CACUL1: variants seen among roughly 807,000 people sequenced by gnomAD.
The protein encoded by CACUL1 is CDK2-associated and cullin domain-containing protein 1.
A neutral mutation model predicts 45.2 loss-of-function variants in CACUL1; 13 were observed. The observed-to-expected ratio is 0.29, with a 90% CI of 0.19 to 0.46. The LOEUF (loss-of-function observed/expected upper bound fraction) is 0.46. CACUL1 is among the 20% of genes least tolerant of loss of function. CACUL1 has a pLI of 1.00. For synonymous variants in CACUL1, 197 were observed against 174.2 expected (o/e 1.13, Z -1.03); for missense variants, 421 against 471.4 (o/e 0.89, Z 0.99).
At chr10:118,686,682 T>C in intron 7 of CACUL1, 41 bp from the exon 8 acceptor site, 1 of 1,420,752 alleles carries the variant, frequency 7.0e-7, no homozygotes, top group South Asian at 1.1e-5. Context: ...TGACTTCACA[T>C]CAAAACAGGA....
intron 4 of CACUL1, among the ~76,000 whole-genome samples, chr10:118,704,835 T>C (rs1845418368): frequency 6.6e-6 from 1 of 152,186 alleles, no homozygotes; most frequent in African/African-American, 2.4e-5. Context: ...TCCACCCTCC[T>C]CACCCTCCAA....
In CACUL1 at chr10:118,678,107, C is replaced by A. The variant is rs1354148733; in HGVS notation, c.*8021G>T. ...TGAACATCTTTTCACATTTATGGGCCATTTCTGTTTCTTCTGTGAAATGCC... is the reference window on the plus strand; with the variant it reads ...TGAACATCTTTTCACATTTATGGGCAATTTCTGTTTCTTCTGTGAAATGCC... On this transcript the variant is annotated 3_prime_UTR_variant, in exon 9 of 9. Transcript: ENST00000369151. 1 of 152,164 alleles carries A rather than the reference C, an allele frequency of 6.6e-6. No homozygotes were observed. Among genetic ancestry groups the A allele is most frequent in the African/African-American group, 2.4e-5 (1 of 41,428 alleles). 9.4% of individuals were successfully genotyped at this position (152,164 alleles called of 1,614,324 possible).
chr10:118,754,804 C>T lies in CACUL1; in HGVS notation c.-42G>A, dbSNP rs968573098. 4 of 1,517,478 alleles carry T rather than the reference C, an allele frequency of 2.6e-6. No homozygotes were observed. The highest frequency in any genetic ancestry group is 1.4e-5 in the African/African-American group (1 of 69,140). 94.0% of individuals were successfully genotyped at this position (1,517,478 alleles called of 1,614,324 possible). The stretch of plus-strand genomic sequence containing the variant: ...ACCCGCCCGCCTCACAGGCACCTGC[C>T]GCCTGTCTCAACCCCGGGCCAGCGG... On this transcript the variant is annotated 5_prime_UTR_variant, in exon 1 of 9. Transcript: ENST00000369151.
intron 1 of CACUL1, among the ~76,000 whole-genome samples, chr10:118,738,094 AG>A (rs1274540330): frequency 6.6e-6 from 1 of 152,232 alleles, no homozygotes; most frequent in African/African-American, 2.4e-5. Flanking sequence ...ACCTTGAAGC[AG>A]TAGCTTGAAG....
intron 7 of CACUL1, among the ~76,000 whole-genome samples, chr10:118,690,481 G>A (rs1471976953): frequency 3.3e-5 from 5 of 151,936 alleles, no homozygotes; most frequent in Admixed American, 2.0e-4. Flanking sequence ...ATATGACCAC[G>A]TTAATTAAGC....
In CACUL1 at chr10:118,754,898, C is replaced by T; in HGVS notation, c.-136G>A. 3 of 1,247,608 alleles carry T rather than the reference C, an allele frequency of 2.4e-6. No individual in the cohort carries two copies. Among genetic ancestry groups the T allele is most frequent in the Non-Finnish European group, 2.2e-6 (2 of 920,052 alleles). 77.3% of individuals were successfully genotyped at this position (1,247,608 alleles called of 1,614,324 possible). ...GCGCAGCGGAGAGGGCTGCGGTGCGCAGGGTCTCTCGCTCTCCGCGGGGCC... is the reference window on the plus strand; with the variant it reads ...GCGCAGCGGAGAGGGCTGCGGTGCGTAGGGTCTCTCGCTCTCCGCGGGGCC... On this transcript the variant is annotated 5_prime_UTR_variant, in exon 1 of 9. Coordinates refer to ENST00000369151, the MANE Select transcript of CACUL1 (RefSeq NM_153810.5).
chr10:118,724,484 G>T (rs1030312810), intron 3 of CACUL1, among the ~76,000 whole-genome samples: 1 of 151,940 alleles, frequency 6.6e-6, no homozygotes, highest in Non-Finnish European at 1.5e-5. Flanking sequence ...GATACGTTAG[G>T]GTTCCCACTA....
At chr10:118,723,277 C>G (rs560717081) in intron 3 of CACUL1, among the ~76,000 whole-genome samples, 15 of 152,050 alleles carry the variant, frequency 9.9e-5, no homozygotes, top group African/African-American at 3.4e-4. Flanking sequence ...AGACTGTATC[C>G]TTGTCACATT....
intron 3 of CACUL1, among the ~76,000 whole-genome samples, chr10:118,715,037 TA>T (rs1373321664): frequency 6.6e-6 from 1 of 152,246 alleles, no homozygotes; most frequent in East Asian, 1.9e-4. Context: ...AATCCTTTGT[TA>T]CCAGATTGTT....
At chr10:118,749,191 C>T (rs977737567) in intron 1 of CACUL1, among the ~76,000 whole-genome samples, 2 of 151,470 alleles carry the variant, frequency 1.3e-5, no homozygotes, top group Non-Finnish European at 2.9e-5. Flanking sequence ...ATGGGCAATA[C>T]TGCCATTAAA....
At chr10:118,738,856 A>G (rs1589618021) in intron 1 of CACUL1, among the ~76,000 whole-genome samples, 1 of 148,710 alleles carries the variant, frequency 6.7e-6, no homozygotes, top group Non-Finnish European at 1.5e-5. Flanking sequence ...AAAAATTAAA[A>G]ACAGTGTCAT....
intron 1 of CACUL1, among the ~76,000 whole-genome samples, chr10:118,733,656 C>T (rs1367507758): frequency 6.6e-6 from 1 of 152,158 alleles, no homozygotes; most frequent in Non-Finnish European, 1.5e-5. Flanking sequence ...AAAACTAGAT[C>T]CTCTTGTTAA....
rs570568270 is a variant in CACUL1 at position 118,719,726 on chromosome 10, G to A, written c.597+9569C>T. 1.9e-4 allele frequency among the ~76,000 whole-genome samples: 29 copies of A among 151,904 alleles called. 1 individual carries two copies. Among genetic ancestry groups the A allele is most frequent in the Non-Finnish European group, 4.0e-4 (27 of 67,978 alleles). ...CTCAGGGGGCCAAGGCAGGAGAATC[G>A]CTTGAATCCTGGAGGCGGAGGTTGC... On this transcript the variant is annotated intron_variant, in intron 3 of 8. Coordinates refer to ENST00000369151, the MANE Select transcript of CACUL1 (RefSeq NM_153810.5).
Position 118,686,161 on chromosome 10 carries a change from C to T in CACUL1, c.1077G>A (p.Ser359=), listed in dbSNP as rs767939519. 1.2e-5 allele frequency: 20 copies of T among 1,612,208 alleles called. 1 individual carries two copies. The highest frequency in any genetic ancestry group is 5.5e-5 in the South Asian group (5 of 91,046). The change falls in exon 9 of 9, where the codon TCG becomes TCA. Residue 359 remains serine, a synonymous_variant. Transcript: ENST00000369151. ...ACCCCCTGGAACTTGCACATGCTGACGAGCTATCTGAAAAAACATCAGAAT... is the reference window on the plus strand; with the variant it reads ...ACCCCCTGGAACTTGCACATGCTGATGAGCTATCTGAAAAAACATCAGAAT... ...RAGDELAYNS[S]SACASSRGYR
chr10:118,739,145 G>A (rs922565904), intron 1 of CACUL1, among the ~76,000 whole-genome samples: 5 of 151,078 alleles, frequency 3.3e-5, no homozygotes, highest in East Asian at 2.0e-4. Flanking sequence ...GCAGTGAGCC[G>A]AGATCATGCC....
chr10:118,689,718 T>C (rs1254447304), intron 7 of CACUL1, among the ~76,000 whole-genome samples: 1 of 136,956 alleles, frequency 7.3e-6, no homozygotes, highest in Non-Finnish European at 1.6e-5. Flanking sequence ...TCCTGCACCC[T>C]GTTCTCTTAT....
rs1007635464 is a variant in CACUL1, at chr10:118,684,401, G to A, written c.*1727C>T. On this transcript the variant is annotated 3_prime_UTR_variant, in exon 9 of 9. Transcript: ENST00000369151. ...ATGAATGGAATTCTCCTTGATACTA[G>A]AATGTTACCAGTGTAGCAACTTAAA... The A allele has an allele frequency of 6.6e-6, 1 of 152,174 alleles. No individual in the cohort carries two copies. The highest frequency in any genetic ancestry group is 1.5e-5 in the Non-Finnish European group (1 of 68,036). The allele number at this position is 152,174 out of a possible 1,614,324, so 9.4% of individuals were successfully genotyped here. A position where few individuals can be genotyped will look rare whatever the true frequency, so the allele number is the denominator to read the frequency against.
In CACUL1 at chr10:118,691,271, A is replaced by T. The variant is rs1459925281; in HGVS notation, c.1019T>A (p.Phe340Tyr). 4 of 1,611,198 alleles carry T rather than the reference A, an allele frequency of 2.5e-6. No homozygotes were observed. Among genetic ancestry groups the T allele is most frequent in the Non-Finnish European group, 3.4e-6 (4 of 1,179,146 alleles). ...KFQRELIQNG[F>Y]TRGDQSRKRA... is the part of the protein sequence containing the mutation. The stretch of plus-strand genomic sequence containing the variant: ...GGAAAAAAAAACAACTTGCCTTGTA[A>T]AACCATTCTGTATAAGTTCTCTTTG... The change falls in exon 7 of 9, where the codon TTT becomes TAT. Residue 340 changes from phenylalanine to tyrosine, a missense_variant. Phe to Tyr is a conservative substitution (Grantham distance 22). Transcript: ENST00000369151.
intron 4 of CACUL1, among the ~76,000 whole-genome samples, chr10:118,704,263 T>TTC (rs1261654011): frequency 1.3e-5 from 2 of 152,164 alleles, no homozygotes; most frequent in Non-Finnish European, 2.9e-5. Flanking sequence ...AATCTACTCC[T>TTC]TCCTTACTGA....
Sources: gnomAD v4.1 joint callset for allele counts (sites outside exome capture counted in the v4.1 genomes callset) on GRCh38, gnomAD v4.1.1 for gene constraint, MANE v1.5 for transcripts, NCBI Gene and HGNC (gene_info 2026-07-23, HGNC 2026-07-21) for gene names.